SH2D5: variants seen among roughly 807,000 people sequenced by gnomAD.
SH2D5 encodes the protein SH2 domain-containing protein 5.
In SH2D5, 45 loss-of-function variants were observed where a neutral mutation model predicts 48.2. That is an observed-to-expected ratio of 0.93 (90% CI 0.73 to 1.20). SH2D5 has a LOEUF of 1.20. Among genes scored for constraint, SH2D5 ranks in the 50% most tolerant of loss-of-function variants. SH2D5 has a pLI of 0.00. For synonymous variants in SH2D5, 230 were observed against 249.8 expected (o/e 0.92, Z 0.75); for missense variants, 538 against 584.1 (o/e 0.92, Z 0.81).
rs2054875837 is a variant in SH2D5, at chr1:20,729,970, A to G, written c.-42-1884T>C. On this transcript the variant is annotated intron_variant, in intron 1 of 9. Transcript: ENST00000444387. This position sits in a 1 kb window ranked among gnomAD's most constrained non-coding sequence, Gnocchi z 4.2. ...TCATGTCATATCCTTTACCTACTGT[A>G]TCTTTTATGTTTAAATAAAGCAAAG... Among the ~76,000 whole-genome samples, 1 of 152,134 alleles carries G rather than the reference A, an allele frequency of 6.6e-6. No homozygotes were observed. Among genetic ancestry groups the G allele is most frequent in the South Asian group, 2.1e-4 (1 of 4,830 alleles).
intron 5 of SH2D5, among the ~76,000 whole-genome samples, chr1:20,725,508 T>C (rs2054777190): frequency 6.6e-6 from 1 of 152,070 alleles, no homozygotes; most frequent in Non-Finnish European, 1.5e-5. Flanking sequence ...GGGCAGACGA[T>C]GGTAGCGTGC....
rs2054848582 is a variant in SH2D5 at position 20,728,500 on chromosome 1, T to G, written c.-42-414A>C. Among the ~76,000 whole-genome samples, 1 of 152,084 alleles carries G rather than the reference T, an allele frequency of 6.6e-6. No homozygotes were observed. Among genetic ancestry groups the G allele is most frequent in the African/African-American group, 2.4e-5 (1 of 41,406 alleles). On this transcript the variant is annotated intron_variant, in intron 1 of 9. Coordinates refer to ENST00000444387, the MANE Select transcript of SH2D5 (RefSeq NM_001103161.2). This position sits in a 1 kb window ranked among gnomAD's most constrained non-coding sequence, Gnocchi z 4.3. ...GCAAGCACTGAGGATCCTGGTGTTC[T>G]GGGCTGGGGCCTGCCCCAGGGGCTG...
rs2054658812 is a variant in SH2D5 at position 20,720,118 on chromosome 1, C to A, written c.*1674G>T. On this transcript the variant is annotated 3_prime_UTR_variant, in exon 10 of 10. Coordinates refer to ENST00000444387, the MANE Select transcript of SH2D5 (RefSeq NM_001103161.2). ...ACATGGCTAAACCTCTCTCTCCTTG[C>A]CAGGGAAATGTGAGGCTGGGGCCTC... 1 of 152,250 alleles carries A rather than the reference C, an allele frequency of 6.6e-6. No homozygotes were observed. Among genetic ancestry groups the A allele is most frequent in the African/African-American group, 2.4e-5 (1 of 41,462 alleles). The allele number at this position is 152,250 out of a possible 1,614,324, so 9.4% of individuals were successfully genotyped here.
In SH2D5 at chr1:20,728,197, G is replaced by T; in HGVS notation, c.-42-111C>A. On this transcript the variant is annotated intron_variant, in intron 1 of 9. Coordinates refer to ENST00000444387, the MANE Select transcript of SH2D5 (RefSeq NM_001103161.2). This position sits in a 1 kb window ranked among gnomAD's most constrained non-coding sequence, Gnocchi z 4.3. ...TGAGCAGCTGCTATGTGTGCAGCAC[G>T]GCTGCGCAATGTCCCGGGCCCTGGG... The T allele has an allele frequency of 1.6e-6, 1 of 615,808 alleles. No homozygotes were observed. The highest frequency in any genetic ancestry group is 2.8e-5 in the East Asian group (1 of 36,206). 38.1% of individuals were successfully genotyped at this position (615,808 alleles called of 1,614,324 possible).
chr1:20,727,604 C>G lies in SH2D5; in HGVS notation c.88-1G>C, dbSNP rs1208299215. 3.7e-6 allele frequency: 6 copies of G among 1,607,318 alleles called. No individual in the cohort carries two copies. In the East Asian group the frequency reaches 1.3e-4, roughly 36 times the overall value. On this transcript the variant is annotated splice_acceptor_variant, in intron 2 of 9. Transcript: ENST00000444387. LOFTEE classifies it high-confidence loss of function. ...CATCCACAGGGAAGGAGCCCACGTACTGCTCGGCAGTGGGGTGAAGGGAGT... is the reference window on the plus strand; with the variant it reads ...CATCCACAGGGAAGGAGCCCACGTAGTGCTCGGCAGTGGGGTGAAGGGAGT...
At chr1:20,724,031 C>T (rs1158258058) in intron 7 of SH2D5, 52 bp downstream of exon 7, 5 of 1,582,468 alleles carry the variant, frequency 3.2e-6, no homozygotes, top group African/African-American at 1.3e-5. Context: ...TCCAGGAGCG[C>T]ACGGGCACGT....
rs1557620664 is a variant in SH2D5, at chr1:20,730,308, G to GC, written c.-43+1872_-43+1873insG. On this transcript the variant is annotated intron_variant, in intron 1 of 9. Transcript: ENST00000444387. Reference sequence around the variant, plus strand: ...AAGGGCACGTTTCCCATCCTGCTCGGGGGGGGGGGGGACGCAGCCCCTCAG... The same window carrying GC: ...AAGGGCACGTTTCCCATCCTGCTCGGCGGGGGGGGGGGACGCAGCCCCTCAG... Among the ~76,000 whole-genome samples the GC allele has an allele frequency of 2.3e-4, 3 of 13,116 alleles. 1 individual carries two copies. The highest frequency in any genetic ancestry group is 1.2e-3 in the African/African-American group (2 of 1,724). The allele number at this position is 13,116 out of a possible 152,430, so 8.6% of individuals were successfully genotyped here.
In SH2D5 at chr1:20,720,089, C is replaced by A. The variant is rs1336205846; in HGVS notation, c.*1703G>T. On this transcript the variant is annotated 3_prime_UTR_variant, in exon 10 of 10. Coordinates refer to ENST00000444387, the MANE Select transcript of SH2D5 (RefSeq NM_001103161.2). The stretch of plus-strand genomic sequence containing the variant: ...CATCTCTGGGCTGTAATCCTAGACC[C>A]AGGACATGGCTAAACCTCTCTCTCC... 6.6e-6 allele frequency: 1 copy of A among 152,240 alleles called. No individual in the cohort carries two copies. The highest frequency in any genetic ancestry group is 1.5e-5 in the Non-Finnish European group (1 of 68,064). The allele number at this position is 152,240 out of a possible 1,614,324, so 9.4% of individuals were successfully genotyped here. A position where few individuals can be genotyped will look rare whatever the true frequency, so the allele number is the denominator to read the frequency against.
At chr1:20,731,281 C>A (rs2154538774) in intron 1 of SH2D5, 1 of 152,636 alleles carries the variant, frequency 6.6e-6, no homozygotes, top group South Asian at 2.1e-4. Flanking sequence ...CAACACGCGT[C>A]CACCTGCCCT....
At position 20,726,027 on chromosome 1, in the gene SH2D5, A is replaced by G; in HGVS notation, c.283T>C (p.Ser95Pro). The change falls in exon 5 of 10, where the codon TCC (serine) becomes CCC (proline). Residue 95 changes from serine (S) to proline (P), a missense_variant. Transcript: ENST00000444387. ...TGGCAGTCGGCAGGGCACCAGGTGG[A>G]GTAGAGTATGCGCCTCAGGGCATGA... ...MAHALRRILY[S>P]TWCPADCQFA... The G allele has an allele frequency of 1.2e-6, 2 of 1,611,078 alleles. No homozygotes were observed. Among genetic ancestry groups the G allele is most frequent in the South Asian group, 1.1e-5 (1 of 90,416 alleles).
At chr1:20,727,888 C>A in intron 2 of SH2D5, 70 bp downstream of exon 2, 2 of 1,250,300 alleles carry the variant, frequency 1.6e-6, no homozygotes, top group Non-Finnish European at 2.3e-6. Context: ...CGCAGCACTT[C>A]CCAATCACCA....
intron 9 of SH2D5, among the ~76,000 whole-genome samples, chr1:20,722,262 C>T (rs1004375912): frequency 6.6e-6 from 1 of 152,200 alleles, no homozygotes; most frequent in Non-Finnish European, 1.5e-5. Flanking sequence ...GGGGGCAGGA[C>T]AAGACATCAC....
Position 20,728,690 on chromosome 1 carries a change from T to C in SH2D5, c.-42-604A>G, listed in dbSNP as rs751835252. Reference sequence around the variant, plus strand: ...GGGCCCGCAGGCCGACCTCAGCCCTTATCAGAAGGGCAGGCTGGATCCAGT... The same window carrying C: ...GGGCCCGCAGGCCGACCTCAGCCCTCATCAGAAGGGCAGGCTGGATCCAGT... On this transcript the variant is annotated intron_variant, in intron 1 of 9. Transcript: ENST00000444387. This position sits in a 1 kb window ranked among gnomAD's most constrained non-coding sequence, Gnocchi z 4.3. Among the ~76,000 whole-genome samples the C allele has an allele frequency of 4.6e-5, 7 of 152,174 alleles. No individual in the cohort carries two copies. Among genetic ancestry groups the C allele is most frequent in the Admixed American group, 4.6e-4 (7 of 15,290 alleles).
chr1:20,727,905 G>T, intron 2 of SH2D5, 53 bp downstream of exon 2: 1 of 1,364,422 alleles, frequency 7.3e-7, no homozygotes, highest in Non-Finnish European at 1.0e-6. Context: ...ACCAGCGCCT[G>T]CTACCTGAGG....
Position 20,722,761 on chromosome 1 carries a change from A to G in SH2D5, c.1063T>C (p.Leu355=). Residue 355 remains leucine, a synonymous_variant, in exon 9 of 10, where the codon TTG becomes CTG. Coordinates refer to ENST00000444387, the MANE Select transcript of SH2D5 (RefSeq NM_001103161.2). The part of the protein sequence containing the change: ...VFRNHLGRYC[L]EHLPAEFPSL... ...TCTGGCTGCTGCGCTCTTACCTCCA[A>G]GCAGTAGCGGCCCAGGTGGTTCCGG... The G allele has an allele frequency of 6.6e-7, 1 of 1,506,366 alleles. No individual in the cohort carries two copies. The highest frequency in any genetic ancestry group is 1.8e-4 in the Middle Eastern group (1 of 5,440). The allele number at this position is 1,506,366 out of a possible 1,614,324, so 93.3% of individuals were successfully genotyped here. A position where few individuals can be genotyped will look rare whatever the true frequency, so the allele number is the denominator to read the frequency against.
chr1:20,722,704 T>G, intron 9 of SH2D5, 52 bp downstream of exon 9: 3 of 1,401,060 alleles, frequency 2.1e-6, no homozygotes, highest in Non-Finnish European at 2.8e-6. Flanking sequence ...GGGCCAGGGA[T>G]GGAGCCAATG....
chr1:20,723,779 C>A, intron 7 of SH2D5, 45 bp from the exon 8 acceptor site: 1 of 1,506,924 alleles, frequency 6.6e-7, no homozygotes, highest in South Asian at 1.2e-5. Flanking sequence ...GCCGAGCCCT[C>A]CCATTCCCTG....
In SH2D5 at chr1:20,719,773, G is replaced by A. The variant is rs1024312398; in HGVS notation, c.*2019C>T. 14 of 152,234 alleles carry A rather than the reference G, an allele frequency of 9.2e-5. No homozygotes were observed. Among genetic ancestry groups the A allele is most frequent in the African/African-American group, 3.1e-4 (13 of 41,450 alleles). 9.4% of individuals were successfully genotyped at this position (152,234 alleles called of 1,614,324 possible). ...TTTTGTTTCAAGTCCACACAGCAAG[G>A]AAAGTGGGGCTACCGAGGTGGCGCA... On this transcript the variant is annotated 3_prime_UTR_variant, in exon 10 of 10. Coordinates refer to ENST00000444387, the MANE Select transcript of SH2D5 (RefSeq NM_001103161.2).
Position 20,727,081 on chromosome 1 carries a change from T to C in SH2D5, c.169-6A>G, listed in dbSNP as rs28733491. On this transcript the variant is annotated splice_polypyrimidine_tract_variant and splice_region_variant and intron_variant, in intron 3 of 9. Coordinates refer to ENST00000444387, the MANE Select transcript of SH2D5 (RefSeq NM_001103161.2). ...GCCCGGCGTCGGGGACAGTCCTGGGTGGAAAAGAGTAGTGGGGACAGGCAC... is the reference window on the plus strand; with the variant it reads ...GCCCGGCGTCGGGGACAGTCCTGGGCGGAAAAGAGTAGTGGGGACAGGCAC... The C allele has an allele frequency of 1.2e-6, 2 of 1,608,478 alleles. No homozygotes were observed. Among genetic ancestry groups the C allele is most frequent in the Non-Finnish European group, 1.7e-6 (2 of 1,177,462 alleles).
Sources: allele counts gnomAD v4.1 joint callset (sites outside exome capture counted in the v4.1 genomes callset), GRCh38; gene constraint gnomAD v4.1.1; non-coding constraint Gnocchi (gnomAD v3.1); transcripts MANE v1.5; gene names NCBI Gene and HGNC (gene_info 2026-07-23, HGNC 2026-07-21).